Variants in NFIX observed in about 807,000 individuals in gnomAD.
The protein encoded by NFIX is nuclear factor 1 X-type.
NFIX carries 2 observed loss-of-function variants against 53.3 expected under a neutral mutation model. The observed-to-expected ratio is 0.04, with a 90% CI of 0.02 to 0.12. The LOEUF is 0.12. Ranked by LOEUF, NFIX falls within the 10% of genes least tolerant of loss-of-function variation. The pLI is 1.00. For synonymous variants in NFIX, 244 were observed against 289.0 expected, an observed-to-expected ratio of 0.84 and a Z score of 1.58; for missense variants, 310 against 674.5, an observed-to-expected ratio of 0.46 and a Z score of 5.99.
intron 1 of NFIX, among the ~76,000 whole-genome samples, chr19:13,019,860 T>G (rs760526031): frequency 6.6e-6 from 1 of 152,144 alleles, no homozygotes; most frequent in Non-Finnish European, 1.5e-5. Context: ...TATTTCTGGC[T>G]TCTCGATGAT....
intron 8 of NFIX, among the ~76,000 whole-genome samples, chr19:13,086,440 T>C (rs1450844452): frequency 6.6e-6 from 1 of 152,136 alleles, no homozygotes; most frequent in Admixed American, 6.5e-5. Context: ...GGATAAACCA[T>C]TTAATGGCCC....
intron 2 of NFIX, among the ~76,000 whole-genome samples, chr19:13,048,887 G>C (rs1183941840): frequency 6.6e-6 from 1 of 152,098 alleles, no homozygotes; most frequent in Non-Finnish European, 1.5e-5. Flanking sequence ...AGCCTGGCCA[G>C]CATGGTGAAA....
chr19:13,038,214 A>G (rs1397094402), intron 2 of NFIX, among the ~76,000 whole-genome samples: 1 of 152,180 alleles, frequency 6.6e-6, no homozygotes, highest in Non-Finnish European at 1.5e-5. Context: ...GCAGTATGGT[A>G]TTGGTGTGGA....
chr19:13,078,236 C>A lies in NFIX; in HGVS notation c.956-377C>A, dbSNP rs539374904. ...TACCCCTTCCCGGCTCTCAAGCTGG[C>A]GCCCTGGGGTTCCTCCTGCACTCCT... On this transcript the variant is annotated intron_variant, in intron 6 of 10. Transcript: ENST00000592199. This position sits in a 1 kb window ranked among gnomAD's most constrained non-coding sequence, Gnocchi z 4.7. Among the ~76,000 whole-genome samples, 2 of 152,344 alleles carry A rather than the reference C, an allele frequency of 1.3e-5. No individual in the cohort carries two copies. The highest frequency in any genetic ancestry group is 4.8e-5 in the African/African-American group (2 of 41,574).
chr19:13,054,890 T>A (rs987569514), intron 2 of NFIX, among the ~76,000 whole-genome samples: 17 of 152,024 alleles, frequency 1.1e-4, no homozygotes, highest in Middle Eastern at 6.3e-3. Context: ...ACACACACAG[T>A]CCTAATGAAG....
chr19:13,013,313 C>G lies in NFIX; in HGVS notation c.28-11708C>G, dbSNP rs1463323117. Among the ~76,000 whole-genome samples, 1 of 152,158 alleles carries G rather than the reference C, an allele frequency of 6.6e-6. No homozygotes were observed. Among genetic ancestry groups the G allele is most frequent in the Non-Finnish European group, 1.5e-5 (1 of 68,012 alleles). ...AGGAAGCTGGCGTCGGGCTGAAGTCCCCCGAGCCACCCCTGGAGCCAGAGC... is the reference window on the plus strand; with the variant it reads ...AGGAAGCTGGCGTCGGGCTGAAGTCGCCCGAGCCACCCCTGGAGCCAGAGC... On this transcript the variant is annotated intron_variant, in intron 1 of 10. Transcript: ENST00000592199. The surrounding 1 kb of genome is among the most constrained non-coding windows in gnomAD (Gnocchi z 5.9).
chr19:13,032,991 C>T (rs1468962962), intron 2 of NFIX, among the ~76,000 whole-genome samples: 2 of 151,952 alleles, frequency 1.3e-5, no homozygotes, highest in Admixed American at 1.3e-4. Context: ...CAGGTGGTCA[C>T]GGGCATCAGC....
At chr19:13,070,980 A>C (rs1599839059) in intron 2 of NFIX, 1 of 152,188 alleles carries the variant, frequency 6.6e-6, no homozygotes, top group East Asian at 1.9e-4. Flanking sequence ...TGCCATCTCC[A>C]CTTGGTCTTT....
In NFIX at chr19:13,051,038, T is replaced by G. The variant is rs545297428; in HGVS notation, c.560-22009T>G. Among the ~76,000 whole-genome samples, 31 of 152,212 alleles carry G rather than the reference T, an allele frequency of 2.0e-4. No individual in the cohort carries two copies. Among genetic ancestry groups the G allele is most frequent in the Non-Finnish European group, 3.8e-4 (26 of 67,992 alleles). ...GAAAAGCATAGTTGCTACCCTGGTG[T>G]TGTTGGTAATGACTTGGCAGTGGAG... On this transcript the variant is annotated intron_variant, in intron 2 of 10. Coordinates refer to ENST00000592199, the MANE Select transcript of NFIX (RefSeq NM_001365902.3). The surrounding 1 kb of genome is among the most constrained non-coding windows in gnomAD (Gnocchi z 5.1).
chr19:13,078,747 G>A lies in NFIX; in HGVS notation c.1078+12G>A. Reference sequence around the variant, plus strand: ...TGGAGTCAGACCAGGTGAGAAATGGGGGGCCCCGGAGGGGGGCAGTTGGGG... The same window carrying A: ...TGGAGTCAGACCAGGTGAGAAATGGAGGGCCCCGGAGGGGGGCAGTTGGGG... On this transcript the variant is annotated intron_variant, in intron 7 of 10. Transcript: ENST00000592199. The surrounding 1 kb of genome is among the most constrained non-coding windows in gnomAD (Gnocchi z 4.7). 1 of 1,597,220 alleles carries A rather than the reference G, an allele frequency of 6.3e-7. No individual in the cohort carries two copies. The highest frequency in any genetic ancestry group is 1.1e-5 in the South Asian group (1 of 88,018).
In NFIX at chr19:13,090,471, G is replaced by A; in HGVS notation, c.1494+81G>A. 1 of 1,329,462 alleles carries A rather than the reference G, an allele frequency of 7.5e-7. No individual in the cohort carries two copies. The highest frequency in any genetic ancestry group is 1.2e-5 in the South Asian group (1 of 85,196). The allele number at this position is 1,329,462 out of a possible 1,614,324, so 82.4% of individuals were successfully genotyped here. A position where few individuals can be genotyped will look rare whatever the true frequency, so the allele number is the denominator to read the frequency against. ...GGGGGCATCTTGGTGTTAGGGAAGA[G>A]CCTGGAGTCCTTGGGGCTAACAGGG... is the stretch of plus-strand genomic sequence containing the variant. On this transcript the variant is annotated intron_variant, in intron 10 of 10. Coordinates refer to ENST00000592199, the MANE Select transcript of NFIX (RefSeq NM_001365902.3). This position sits in a 1 kb window ranked among gnomAD's most constrained non-coding sequence, Gnocchi z 6.6.
chr19:13,077,868 CTG>C (rs1199527169), intron 6 of NFIX, among the ~76,000 whole-genome samples: 1 of 152,222 alleles, frequency 6.6e-6, no homozygotes, highest in East Asian at 1.9e-4. Flanking sequence ...AAGGTGTTCT[CTG>C]TGCCCTTGTT....
rs2014262372 is a variant in NFIX at position 13,037,180 on chromosome 19, C to T, written c.559+11628C>T. On this transcript the variant is annotated intron_variant, in intron 2 of 10. Coordinates refer to ENST00000592199, the MANE Select transcript of NFIX (RefSeq NM_001365902.3). This position sits in a 1 kb window ranked among gnomAD's most constrained non-coding sequence, Gnocchi z 4.2. ...CCTTTCCTGTGTGTAGCAGATTCTGCCAGCCTTGGCTGTGTGTCAGGGAGA... is the reference window on the plus strand; with the variant it reads ...CCTTTCCTGTGTGTAGCAGATTCTGTCAGCCTTGGCTGTGTGTCAGGGAGA... 1.3e-5 allele frequency among the ~76,000 whole-genome samples: 2 copies of T among 152,134 alleles called. No homozygotes were observed. Among genetic ancestry groups the T allele is most frequent in the Admixed American group, 1.3e-4 (2 of 15,274 alleles).
In NFIX at chr19:13,089,019, G is replaced by A. The variant is rs999327370; in HGVS notation, c.1402+883G>A. ...GGGGGTGGGCAGGCCACAGGCCAGG[G>A]CAGTTCGGTGGCGGTGGGAGGGGTG... On this transcript the variant is annotated intron_variant, in intron 9 of 10. Coordinates refer to ENST00000592199, the MANE Select transcript of NFIX (RefSeq NM_001365902.3). The surrounding 1 kb of genome is among the most constrained non-coding windows in gnomAD (Gnocchi z 4.8). 6.6e-6 allele frequency among the ~76,000 whole-genome samples: 1 copy of A among 152,046 alleles called. No homozygotes were observed. The highest frequency in any genetic ancestry group is 2.1e-4 in the South Asian group (1 of 4,830).
rs371482009 is a variant in NFIX at position 12,996,170 on chromosome 19, T to TGC, written c.27+311_27+312dup. On this transcript the variant is annotated intron_variant, in intron 1 of 10. Transcript: ENST00000592199. This position sits in a 1 kb window ranked among gnomAD's most constrained non-coding sequence, Gnocchi z 5.2. Reference sequence around the variant, plus strand: ...GTGTGTGTGTGTGTGTGTGTGTGTGTGCGCGCTCGACTGGGGTGCGATGGG... The same window carrying TGC: ...GTGTGTGTGTGTGTGTGTGTGTGTGTGCGCGCGCTCGACTGGGGTGCGATGGG... Among the ~76,000 whole-genome samples, 12 of 139,528 alleles carry TGC rather than the reference T, an allele frequency of 8.6e-5. No homozygotes were observed. Among genetic ancestry groups the TGC allele is most frequent in the African/African-American group, 2.1e-4 (8 of 37,686 alleles). 91.5% of individuals were successfully genotyped at this position (139,528 alleles called of 152,430 possible).
At chr19:13,003,076 C>T (rs1305525141) in intron 1 of NFIX, among the ~76,000 whole-genome samples, 2 of 152,024 alleles carry the variant, frequency 1.3e-5, no homozygotes, top group Non-Finnish European at 2.9e-5. Flanking sequence ...CAAATATCGG[C>T]TTCGGTCGAA....
In NFIX at chr19:13,011,060, C is replaced by T. The variant is rs2012312819; in HGVS notation, c.28-13961C>T. Among the ~76,000 whole-genome samples the T allele has an allele frequency of 6.6e-6, 1 of 152,154 alleles. No individual in the cohort carries two copies. Reference sequence around the variant, plus strand: ...CTCCACGTTTGTACTTGGATTTTACCACCCCCACTAGGCTTCGACCCAAAC... The same window carrying T: ...CTCCACGTTTGTACTTGGATTTTACTACCCCCACTAGGCTTCGACCCAAAC... On this transcript the variant is annotated intron_variant, in intron 1 of 10. Coordinates refer to ENST00000592199, the MANE Select transcript of NFIX (RefSeq NM_001365902.3). This position sits in a 1 kb window ranked among gnomAD's most constrained non-coding sequence, Gnocchi z 6.5.
chr19:13,090,630 GGAAGGCGGCCAAGGACCCAAGT>G lies in NFIX; in HGVS notation c.1494+241_1494+262del, dbSNP rs2018076248. ...TTAGCTCTGACAGCCCTGGCCCTGGGGAAGGCGGCCAAGGACCCAAGTCTAGAGGCCCTCTGGGCCAGGCCTG... is the reference window on the plus strand; with the variant it reads ...TTAGCTCTGACAGCCCTGGCCCTGGGCTAGAGGCCCTCTGGGCCAGGCCTG... On this transcript the variant is annotated intron_variant, in intron 10 of 10. Coordinates refer to ENST00000592199, the MANE Select transcript of NFIX (RefSeq NM_001365902.3). The surrounding 1 kb of genome is among the most constrained non-coding windows in gnomAD (Gnocchi z 6.6). 1.3e-5 allele frequency among the ~76,000 whole-genome samples: 2 copies of G among 152,226 alleles called. No homozygotes were observed. Among genetic ancestry groups the G allele is most frequent in the South Asian group, 4.1e-4 (2 of 4,836 alleles).
Position 12,996,034 on chromosome 19 carries a change from C to T in NFIX, c.27+170C>T, listed in dbSNP as rs1419270861. 1.3e-5 allele frequency among the ~76,000 whole-genome samples: 2 copies of T among 150,956 alleles called. No individual in the cohort carries two copies. The highest frequency in any genetic ancestry group is 2.4e-5 in the African/African-American group (1 of 41,182). On this transcript the variant is annotated intron_variant, in intron 1 of 10. Transcript: ENST00000592199. The surrounding 1 kb of genome is among the most constrained non-coding windows in gnomAD (Gnocchi z 5.2). ...GGAGCCCAGGCACGCGTGCGGGCGTCACCGTGCGCGTGCGACCCTGGCCAC... is the reference window on the plus strand; with the variant it reads ...GGAGCCCAGGCACGCGTGCGGGCGTTACCGTGCGCGTGCGACCCTGGCCAC...
Sources: gnomAD v4.1 joint callset for allele counts (sites outside exome capture counted in the v4.1 genomes callset) on GRCh38, gnomAD v4.1.1 for gene constraint, Gnocchi (gnomAD v3.1) non-coding constraint, MANE v1.5 for transcripts, NCBI Gene and HGNC (gene_info 2026-07-23, HGNC 2026-07-21) for gene names.